The following ZFP64 variants were observed in gnomAD, a reference collection of about 807,000 sequenced individuals.
The protein encoded by ZFP64 is zinc finger protein 64.
In ZFP64, 14 loss-of-function variants were observed where a neutral mutation model predicts 51.6. That is an observed-to-expected ratio of 0.27 (90% confidence interval 0.18 to 0.42). ZFP64 has a LOEUF of 0.42. ZFP64 is among the 10% of genes least tolerant of loss of function. The pLI, the probability that ZFP64 is intolerant of heterozygous loss-of-function variation, is 1.00. For synonymous variants in ZFP64, 375 were observed against 361.4 expected, an observed-to-expected ratio of 1.04 and a Z score of -0.43; for missense variants, 754 against 906.8, an observed-to-expected ratio of 0.83 and a Z score of 2.16.
At chr20:52,180,547 C>CAAAAAAAAA (rs10669415) in intron 2 of ZFP64, among the ~76,000 whole-genome samples, 5 of 87,168 alleles carry the variant, frequency 5.7e-5, no homozygotes, top group Non-Finnish European at 8.6e-5. Context: ...CCAGAAATGG[C>CAAAAAAAAA]AAAAAAAAAA....
downstream of ZFP64, among the ~76,000 whole-genome samples, chr20:52,147,458 G>T (rs900803233): frequency 1.3e-5 from 2 of 152,112 alleles, no homozygotes; most frequent in African/African-American, 4.8e-5. Flanking sequence ...TTGTTTGGAG[G>T]TTCTGGCTAA....
At chr20:52,130,198 T>G (rs760000703) in intron 5 of ZFP64, among the ~76,000 whole-genome samples, 1 of 151,076 alleles carries the variant, frequency 6.6e-6, no homozygotes, top group Non-Finnish European at 1.5e-5. Flanking sequence ...CTGTATATGG[T>G]GCCTACAATT....
At chr20:52,120,214 A>G (rs1395164299) in intron 5 of ZFP64, among the ~76,000 whole-genome samples, 1 of 152,180 alleles carries the variant, frequency 6.6e-6, no homozygotes, top group Non-Finnish European at 1.5e-5. Flanking sequence ...TCCAGCCTCT[A>G]GAACTGCAAG....
chr20:52,110,036 T>C (rs905671104), intron 5 of ZFP64, among the ~76,000 whole-genome samples: 3 of 152,126 alleles, frequency 2.0e-5, no homozygotes, highest in Non-Finnish European at 2.9e-5. Flanking sequence ...GAAACTTTAA[T>C]TGAATCCAAA....
At chr20:52,105,844 G>GT (rs780315705) in intron 5 of ZFP64, among the ~76,000 whole-genome samples, 7 of 151,962 alleles carry the variant, frequency 4.6e-5, no homozygotes, top group East Asian at 3.9e-4. Context: ...GCACTGGGAT[G>GT]TTTTTTTAAA....
chr20:52,142,252 C>T (rs60610902), intron 5 of ZFP64, among the ~76,000 whole-genome samples: 54,897 of 151,558 alleles, frequency 0.36, 10,671 homozygotes, highest in Non-Finnish European at 0.42. Flanking sequence ...CCTGTGATCC[C>T]AGCCACATGG....
intron 5 of ZFP64, among the ~76,000 whole-genome samples, chr20:52,142,377 GAC>G (rs142317072): frequency 0.04 from 4,742 of 118,342 alleles, 100 homozygotes; most frequent in Middle Eastern, 0.075. Context: ...CACACACACA[GAC>G]ACACACACAC....
At chr20:52,118,188 C>A (rs1207329479) in intron 5 of ZFP64, among the ~76,000 whole-genome samples, 1 of 152,174 alleles carries the variant, frequency 6.6e-6, no homozygotes, top group East Asian at 1.9e-4. Flanking sequence ...CAAATCTTAG[C>A]TTCTTCCTCC....
chr20:52,084,273 A>G (rs1391196208), exon 9 of ZFP64: 1 of 429,328 alleles, frequency 2.3e-6, no homozygotes, highest in African/African-American at 2.0e-5. Flanking sequence ...AGCTATCCCC[A>G]TTGGATAGAG....
intron 5 of ZFP64, among the ~76,000 whole-genome samples, chr20:52,137,330 T>A (rs1568671436): frequency 6.6e-6 from 1 of 152,146 alleles, no homozygotes; most frequent in Non-Finnish European, 1.5e-5. Context: ...CATCATTTTG[T>A]CTCAACTTTG....
chr20:52,112,840 C>T (rs6126461), intron 5 of ZFP64, among the ~76,000 whole-genome samples: 8,067 of 152,028 alleles, frequency 0.053, 285 homozygotes, highest in Admixed American at 0.11. Flanking sequence ...TGGTCTTGAA[C>T]TCCTGGGCTC....
chr20:52,134,360 G>A (rs1979869922), intron 5 of ZFP64, among the ~76,000 whole-genome samples: 1 of 152,180 alleles, frequency 6.6e-6, no homozygotes, highest in Non-Finnish European at 1.5e-5. Flanking sequence ...GTAAGCCACT[G>A]AAAACATGAA....
intron 5 of ZFP64, among the ~76,000 whole-genome samples, chr20:52,132,297 T>C (rs928002463): frequency 2.0e-5 from 3 of 152,012 alleles, no homozygotes; most frequent in African/African-American, 7.2e-5. Context: ...AATCTAATGA[T>C]GGATCTTAAA....
At chr20:52,114,003 C>T (rs577053503) in intron 5 of ZFP64, among the ~76,000 whole-genome samples, 87 of 152,084 alleles carry the variant, frequency 5.7e-4, no homozygotes, top group Non-Finnish European at 1.0e-3. Context: ...ATGGAAAGAA[C>T]CAGGGAGACA....
intron 5 of ZFP64, among the ~76,000 whole-genome samples, chr20:52,145,551 T>C (rs1980482750): frequency 6.6e-6 from 1 of 152,028 alleles, no homozygotes; most frequent in African/African-American, 2.4e-5. Flanking sequence ...GGTGGGAGGA[T>C]CACCTGAGCC....
chr20:52,165,169 T>A (rs1982147703), intron 3 of ZFP64: 1 of 458,664 alleles, frequency 2.2e-6, no homozygotes, highest in South Asian at 1.5e-5. Flanking sequence ...TCTTTTGATA[T>A]TGGTAGAAAG....
intron 5 of ZFP64, among the ~76,000 whole-genome samples, chr20:52,103,311 T>C (rs1208867595): frequency 1.3e-5 from 2 of 152,254 alleles, no homozygotes; most frequent in East Asian, 3.9e-4. Flanking sequence ...GCTACTTGAG[T>C]TGCAAAGACA....
intron 5 of ZFP64, among the ~76,000 whole-genome samples, chr20:52,101,550 AT>A (rs1241812244): frequency 6.6e-6 from 1 of 151,934 alleles, no homozygotes; most frequent in East Asian, 1.9e-4. Context: ...GTATTTTTGT[AT>A]TTTTTTGTAG....
intron 1 of ZFP64, among the ~76,000 whole-genome samples, chr20:52,189,878 A>G (rs1984249608): frequency 6.6e-6 from 1 of 152,210 alleles, no homozygotes; most frequent in Non-Finnish European, 1.5e-5. Flanking sequence ...TCCATGCGTC[A>G]TAATCTTCTC....
Sources: allele counts gnomAD v4.1 joint callset (sites outside exome capture counted in the v4.1 genomes callset), GRCh38; gene constraint gnomAD v4.1.1; transcripts MANE v1.5; gene names NCBI Gene and HGNC (gene_info 2026-07-23, HGNC 2026-07-21).